TCF20: variants seen among roughly 807,000 people sequenced by gnomAD.
The protein encoded by TCF20 is SPRE-binding protein.
A neutral mutation model predicts 148.6 loss-of-function variants in TCF20; 3 were observed. The ratio of observed to expected loss-of-function variants is 0.02; its 90% CI spans 0.01 to 0.05. The LOEUF (loss-of-function observed/expected upper bound fraction) is 0.05. Ranked by LOEUF, TCF20 falls within the 10% of genes least tolerant of loss-of-function variation. The pLI, the probability that TCF20 is intolerant of heterozygous loss-of-function variation, is 1.00. For missense variants in TCF20, 2,350 were observed against 2,429.3 expected (o/e 0.97, Z 0.69); for synonymous variants, 1,049 against 909.5 (o/e 1.15, Z -2.76).
chr22:42,224,275 T>C (rs1183775078), intron 1 of TCF20, among the ~76,000 whole-genome samples: 1 of 151,888 alleles, frequency 6.6e-6, no homozygotes, highest in East Asian at 1.9e-4. Flanking sequence ...ATTGAGACCA[T>C]CCTGGCTAAC....
chr22:42,336,939 C>A (rs1479975840), intron 1 of TCF20, among the ~76,000 whole-genome samples: 1 of 152,226 alleles, frequency 6.6e-6, no homozygotes, highest in African/African-American at 2.4e-5. Flanking sequence ...CTTCCCATAG[C>A]CACGTATCTT....
Position 42,338,881 on chromosome 22 carries a change from C to T in TCF20, c.-37+4598G>A, listed in dbSNP as rs1362628791. Among the ~76,000 whole-genome samples the T allele has an allele frequency of 1.3e-5, 2 of 152,108 alleles. No homozygotes were observed. The highest frequency in any genetic ancestry group is 6.5e-5 in the Admixed American group (1 of 15,272). On this transcript the variant is annotated intron_variant, in intron 1 of 1. Coordinates refer to the TCF20 transcript ENST00000515426. This position sits in a 1 kb window ranked among gnomAD's most constrained non-coding sequence, Gnocchi z 4.0. Reference sequence around the variant, plus strand: ...ATAAAGGCTAAAATTCTGATTAAAGCCATAATCACGGAGATCTAAGGATGG... The same window carrying T: ...ATAAAGGCTAAAATTCTGATTAAAGTCATAATCACGGAGATCTAAGGATGG...
intron 1 of TCF20, among the ~76,000 whole-genome samples, chr22:42,256,937 T>C (rs1310249921): frequency 6.6e-6 from 1 of 152,158 alleles, no homozygotes; most frequent in African/African-American, 2.4e-5. Flanking sequence ...GGCAAGAAGA[T>C]TGCTTGAGGC....
At chr22:42,236,183 C>T (rs1317000816) in intron 1 of TCF20, among the ~76,000 whole-genome samples, 1 of 151,662 alleles carries the variant, frequency 6.6e-6, no homozygotes, top group Non-Finnish European at 1.5e-5. Flanking sequence ...TTCAAAAAAA[C>T]AAACAAAAAC....
At chr22:42,237,211 C>T (rs1051760625) in intron 1 of TCF20, among the ~76,000 whole-genome samples, 3 of 152,186 alleles carry the variant, frequency 2.0e-5, no homozygotes, top group Non-Finnish European at 4.4e-5. Flanking sequence ...TAATCAACTA[C>T]GTTTATGTAA....
intron 1 of TCF20, among the ~76,000 whole-genome samples, chr22:42,304,571 G>C (rs1272100439): frequency 6.6e-6 from 1 of 152,160 alleles, no homozygotes; most frequent in African/African-American, 2.4e-5. Context: ...CCTGGTCCTG[G>C]GAGGTACAGG....
chr22:42,342,564 C>G (rs1928186323), intron 1 of TCF20, among the ~76,000 whole-genome samples: 1 of 152,196 alleles, frequency 6.6e-6, no homozygotes. Context: ...GGGCTGTCCC[C>G]TTGCCAGACA....
chr22:42,292,352 G>A lies in TCF20; in HGVS notation c.-37+51127C>T, dbSNP rs962747544. 1.8e-4 allele frequency among the ~76,000 whole-genome samples: 28 copies of A among 152,208 alleles called. No individual in the cohort carries two copies. Among genetic ancestry groups the A allele is most frequent in the African/African-American group, 6.5e-4 (27 of 41,454 alleles). ...AATCAGGCCACGTGCACTAGGTCAA[G>A]GATGCCACAGAAGGAGCCCTTTCTG... On this transcript the variant is annotated intron_variant, in intron 1 of 1. Transcript: ENST00000515426. The surrounding 1 kb of genome is among the most constrained non-coding windows in gnomAD (Gnocchi z 4.9).
chr22:42,220,605 CCT>C (rs1470617181), intron 1 of TCF20, among the ~76,000 whole-genome samples: 8 of 152,204 alleles, frequency 5.3e-5, no homozygotes, highest in Admixed American at 1.3e-4. Context: ...AGGGATATTC[CCT>C]GTTTGCCCCC....
chr22:42,207,677 T>A (rs190570536), intron 2 of TCF20, among the ~76,000 whole-genome samples: 277 of 152,250 alleles, frequency 1.8e-3, no homozygotes, highest in Non-Finnish European at 3.3e-3. Flanking sequence ...TAGCTGTGCA[T>A]GGTGGCGCAT....
chr22:42,216,078 C>CATTTTTTTTTTTTT (rs1569156309), intron 1 of TCF20, among the ~76,000 whole-genome samples: 1 of 53,786 alleles, frequency 1.9e-5, no homozygotes, highest in Non-Finnish European at 3.8e-5. Flanking sequence ...AAAACCAAAT[C>CATTTTTTTTTTTTT]CTTTTTTTTT....
intron 1 of TCF20, among the ~76,000 whole-genome samples, chr22:42,323,996 AGGTGGTGGCGGAGGTTATGGT>A (rs1927805740): frequency 3.2e-3 from 28 of 8,824 alleles, no homozygotes; most frequent in Non-Finnish European, 3.2e-3. Flanking sequence ...ATGGTGGTGG[AGGTGGTGGCGGAGGTTATGGT>A]GGTGGTGGTG....
chr22:42,242,797 G>C (rs1052080354), intron 1 of TCF20, among the ~76,000 whole-genome samples: 12 of 152,108 alleles, frequency 7.9e-5, no homozygotes, highest in Non-Finnish European at 1.6e-4. Context: ...TGAGGCAGGA[G>C]AATCACTTGA....
In TCF20 at chr22:42,205,474, A is replaced by G. The variant is rs570783753; in HGVS notation, c.5655+4177T>C. On this transcript the variant is annotated intron_variant, in intron 2 of 5. Transcript: ENST00000677622. ...CTGATAAATACATAGGCCAAAATGG[A>G]TCTCTAATGAAATATATGTGACTTT... Among the ~76,000 whole-genome samples the G allele has an allele frequency of 1.4e-4, 21 of 152,206 alleles. 1 individual carries two copies. In the East Asian group the frequency reaches 1.9e-3, roughly 14 times the overall value.
intron 1 of TCF20, among the ~76,000 whole-genome samples, chr22:42,322,356 A>C (rs955136806): frequency 6.6e-6 from 1 of 151,822 alleles, no homozygotes; most frequent in African/African-American, 2.4e-5. Flanking sequence ...GCTGGCTGCC[A>C]ATCTGGCTCA....
In TCF20 at chr22:42,211,366, T is replaced by C; in HGVS notation, c.3940A>G (p.Arg1314Gly). ...CTTGGAAGGTCCTTGGAGGAATCTC[T>C]CTTAGGGATAGACTTGATATCCTGA... is the stretch of plus-strand genomic sequence containing the variant. The part of the protein sequence containing the change: ...HSQDIKSIPK[R>G]DSSKDLPSPD... The change falls in exon 2 of 6, where the codon AGA becomes GGA. Residue 1314 changes from arginine (R) to glycine (G), a missense_variant. This residue lies in a region of TCF20 where 1,641 missense variants were observed against 1,662.6 expected (regional missense o/e 0.99). Coordinates refer to ENST00000677622, the MANE Select transcript of TCF20 (RefSeq NM_001378418.1). The C allele has an allele frequency of 6.2e-7, 1 of 1,614,176 alleles. No homozygotes were observed. Among genetic ancestry groups the C allele is most frequent in the Middle Eastern group, 1.6e-4 (1 of 6,062 alleles).
Position 42,213,939 on chromosome 22 carries a change from A to C in TCF20, c.1367T>G (p.Leu456Trp). 1 of 1,614,214 alleles carries C rather than the reference A, an allele frequency of 6.2e-7. No homozygotes were observed. ...GGCCACTTGAGTACTCAGAGCACTC[A>C]AACTACTCAACCCAGGATCTGTCAG... Reference protein sequence around the residue: ...KRLTDPGLSSLSALSTQVANL... With the variant: ...KRLTDPGLSSWSALSTQVANL... The change falls in exon 2 of 6, where the codon TTG becomes TGG. Residue 456 changes from leucine to tryptophan, a missense_variant. Around this residue, in one of 7 missense-constraint regions of TCF20, gnomAD observed 1,641 missense variants for 1,662.6 expected, o/e 0.99. Coordinates refer to ENST00000677622, the MANE Select transcript of TCF20 (RefSeq NM_001378418.1).
At chr22:42,306,502 C>T (rs1453307925) in intron 1 of TCF20, among the ~76,000 whole-genome samples, 1 of 152,236 alleles carries the variant, frequency 6.6e-6, no homozygotes, top group Admixed American at 6.5e-5. Flanking sequence ...ATTACCTCTA[C>T]TTGACAGGCA....
chr22:42,312,699 C>G (rs1016203299), intron 1 of TCF20, among the ~76,000 whole-genome samples: 4 of 152,164 alleles, frequency 2.6e-5, no homozygotes, highest in Admixed American at 6.5e-5. Context: ...CGGTCACCCC[C>G]CATCCCTGCT....
Sources: allele counts gnomAD v4.1 joint callset (sites outside exome capture counted in the v4.1 genomes callset), GRCh38; gene constraint gnomAD v4.1.1; regional missense constraint gnomAD v4.1.1; non-coding constraint Gnocchi (gnomAD v3.1); transcripts MANE v1.5; gene names NCBI Gene and HGNC (gene_info 2026-07-23, HGNC 2026-07-21).